QKI: variants seen among roughly 807,000 people sequenced by gnomAD.
QKI encodes KH domain-containing RNA-binding protein QKI.
QKI carries 10 observed loss-of-function variants against 39.0 expected under a neutral mutation model. The ratio of observed to expected loss-of-function variants is 0.26; its 90% CI spans 0.16 to 0.43. The LOEUF is 0.43. QKI is among the 20% of genes least tolerant of loss of function. QKI has a pLI of 1.00. For missense variants in QKI, 218 were observed against 428.0 expected (o/e 0.51, Z 4.33); for synonymous variants, 204 against 155.4 (o/e 1.31, Z -2.33).
chr6:163,506,246 A>C (rs546647646), intron 3 of QKI, among the ~76,000 whole-genome samples: 2 of 152,306 alleles, frequency 1.3e-5, no homozygotes, highest in Admixed American at 1.3e-4. Context: ...GGTATCAGAG[A>C]GATTTTCATT....
chr6:163,478,925 T>C (rs749044555), intron 3 of QKI, 29 bp downstream of exon 3: 4 of 1,468,272 alleles, frequency 2.7e-6, no homozygotes, highest in Non-Finnish European at 2.8e-6. Context: ...ACTAAGTCTT[T>C]ATGTGAGTAA....
At chr6:163,537,806 C>T (rs1420985688) in intron 4 of QKI, among the ~76,000 whole-genome samples, 2 of 152,292 alleles carry the variant, frequency 1.3e-5, no homozygotes, top group Non-Finnish European at 2.9e-5. Context: ...ATCAGAACCC[C>T]ACAACTGGTA....
chr6:163,531,743 A>G (rs1488491899), intron 3 of QKI, among the ~76,000 whole-genome samples: 1 of 152,198 alleles, frequency 6.6e-6, no homozygotes, highest in Non-Finnish European at 1.5e-5. Flanking sequence ...GGGCTCAAGC[A>G]GTCTTCCTGC....
chr6:163,566,759 G>C lies in QKI; in HGVS notation c.973G>C (p.Val325Leu). Residue 325 changes from valine (V) to leucine (L), a missense_variant, in exon 7 of 8, where the codon GTC (valine) becomes CTC (leucine). Physicochemically the swap from Val to Leu is conservative, Grantham distance 32 (BLOSUM62 1). Coordinates refer to ENST00000361752, the MANE Select transcript of QKI (RefSeq NM_006775.3). The stretch of plus-strand genomic sequence containing the variant: ...TAAAGTTCGAAGGCACGATATGCGT[G>C]TCCATCCTTACCAAAGGATTGTGAC... ...ATKVRRHDMRVHPYQRIVTAD... is the reference protein window; with the variant it reads ...ATKVRRHDMRLHPYQRIVTAD... The C allele has an allele frequency of 6.2e-7, 1 of 1,613,818 alleles. No individual in the cohort carries two copies. Among genetic ancestry groups the C allele is most frequent in the Non-Finnish European group, 8.5e-7 (1 of 1,179,866 alleles).
chr6:163,497,612 G>GA (rs1158314483), intron 3 of QKI, among the ~76,000 whole-genome samples: 2 of 147,028 alleles, frequency 1.4e-5, no homozygotes, highest in African/African-American at 5.0e-5. Context: ...AATGACCTAG[G>GA]AAAAAATAAG....
rs1783903570 is a variant in QKI at position 163,574,977 on chromosome 6, C to CA, written c.*4268dup. 6.6e-6 allele frequency: 1 copy of CA among 152,122 alleles called. No homozygotes were observed. The highest frequency in any genetic ancestry group is 1.5e-5 in the Non-Finnish European group (1 of 68,022). 9.4% of individuals were successfully genotyped at this position (152,122 alleles called of 1,614,324 possible). A position where few individuals can be genotyped will look rare whatever the true frequency, so the allele number is the denominator to read the frequency against. On this transcript the variant is annotated 3_prime_UTR_variant, in exon 8 of 8. Transcript: ENST00000361752. ...ATATGTATACACACATATAAATACACAGAGTAGTGTTAGCTGATGTGAGTG... is the reference window on the plus strand; with the variant it reads ...ATATGTATACACACATATAAATACACAAGAGTAGTGTTAGCTGATGTGAGTG...
intron 1 of QKI, among the ~76,000 whole-genome samples, chr6:163,436,788 TCAAAAAAAAAA>T (rs1789319370): frequency 1.0e-4 from 2 of 19,590 alleles, no homozygotes; most frequent in African/African-American, 3.4e-4. Flanking sequence ...AGACTCCGTC[TCAAAAAAAAAA>T]AAAAAAAAAA....
chr6:163,561,220 G>A (rs1012886042), intron 4 of QKI, among the ~76,000 whole-genome samples: 3 of 152,150 alleles, frequency 2.0e-5, no homozygotes, highest in Admixed American at 6.5e-5. Context: ...ATCAAATCTT[G>A]TATGTTTAAA....
intron 3 of QKI, among the ~76,000 whole-genome samples, chr6:163,522,591 G>A (rs1780230016): frequency 6.6e-6 from 1 of 152,086 alleles, no homozygotes; most frequent in Middle Eastern, 3.2e-3. Context: ...AGGGTTTGGA[G>A]CAAACTTTTA....
chr6:163,565,162 TG>T, intron 6 of QKI: 1 of 992,454 alleles, frequency 1.0e-6, no homozygotes, highest in Non-Finnish European at 1.2e-6. Context: ...GGCTTGTGTC[TG>T]TTGCACATTT....
chr6:163,578,079 T>C lies in QKI; in HGVS notation c.*7369T>C, dbSNP rs972071236. 5 of 152,190 alleles carry C rather than the reference T, an allele frequency of 3.3e-5. No individual in the cohort carries two copies. The highest frequency in any genetic ancestry group is 7.3e-5 in the Non-Finnish European group (5 of 68,040). 9.4% of individuals were successfully genotyped at this position (152,190 alleles called of 1,614,324 possible). A position where few individuals can be genotyped will look rare whatever the true frequency, so the allele number is the denominator to read the frequency against. Reference sequence around the variant, plus strand: ...TCCAGTTTAATGCTATTTTGTGAACTGTATACCCTCTGAAAGCGCTTATTT... The same window carrying C: ...TCCAGTTTAATGCTATTTTGTGAACCGTATACCCTCTGAAAGCGCTTATTT... On this transcript the variant is annotated 3_prime_UTR_variant, in exon 8 of 8. Coordinates refer to ENST00000361752, the MANE Select transcript of QKI (RefSeq NM_006775.3).
chr6:163,534,234 GAAATATAGATAT>G (rs1333250967), intron 3 of QKI, among the ~76,000 whole-genome samples: 11 of 152,144 alleles, frequency 7.2e-5, no homozygotes, highest in African/African-American at 2.7e-4. Flanking sequence ...TTAAGGAAAT[GAAATATAGATAT>G]TCTCTATGAA....
chr6:163,568,114 G>A (rs1783477936), intron 7 of QKI: 2 of 985,226 alleles, frequency 2.0e-6, no homozygotes, highest in Non-Finnish European at 2.4e-6. Flanking sequence ...GTATGAGCAC[G>A]TCTCATAGGG....
At chr6:163,508,520 CTTTCTTTCTTTCTTT>C (rs1187063916) in intron 3 of QKI, among the ~76,000 whole-genome samples, 4 of 139,250 alleles carry the variant, frequency 2.9e-5, no homozygotes, top group Non-Finnish European at 1.5e-5. Context: ...TTCTTTCTTT[CTTTCTTTCTTTCTTT>C]TTTTTTTTTT....
At chr6:163,515,497 A>G (rs772910519) in intron 3 of QKI, among the ~76,000 whole-genome samples, 6 of 152,156 alleles carry the variant, frequency 3.9e-5, no homozygotes, top group Non-Finnish European at 5.9e-5. Context: ...AGATGGAAAT[A>G]TAAATTGTGG....
chr6:163,448,972 C>G (rs1790355861), intron 1 of QKI, among the ~76,000 whole-genome samples: 1 of 152,072 alleles, frequency 6.6e-6, no homozygotes, highest in Admixed American at 6.5e-5. Flanking sequence ...AGGTTACACA[C>G]CAGCCACCTC....
intron 7 of QKI, chr6:163,568,670 A>G (rs1026682657): frequency 4.1e-6 from 4 of 980,008 alleles, no homozygotes; most frequent in Non-Finnish European, 4.9e-6. Flanking sequence ...GTTTATTAGT[A>G]TAAGCATTCA....
intron 1 of QKI, among the ~76,000 whole-genome samples, chr6:163,446,777 G>A (rs1220848706): frequency 1.3e-5 from 2 of 152,154 alleles, no homozygotes; most frequent in African/African-American, 4.8e-5. Context: ...TTTTTCAAAA[G>A]TGAATGAAGG....
chr6:163,562,202 G>A (rs1783071488), intron 5 of QKI, 133 bp downstream of exon 5: 3 of 464,728 alleles, frequency 6.5e-6, no homozygotes, highest in Non-Finnish European at 1.1e-5. Flanking sequence ...CACTTGATAT[G>A]GGGCTGACAG....
Sources: gnomAD v4.1 joint callset for allele counts (sites outside exome capture counted in the v4.1 genomes callset) on GRCh38, gnomAD v4.1.1 for gene constraint, MANE v1.5 for transcripts, NCBI Gene and HGNC (gene_info 2026-07-23, HGNC 2026-07-21) for gene names.